Variants in ROBO2 observed in about 807,000 individuals in gnomAD.
ROBO2 encodes the protein roundabout guidance receptor 2, also known as roundabout homolog 2.
Under a neutral mutation model 160.8 loss-of-function variants are expected in ROBO2, and 53 were observed. The observed-to-expected ratio is 0.33, with a 90% CI of 0.26 to 0.41. The LOEUF (loss-of-function observed/expected upper bound fraction) is 0.41, where lower values mean the gene tolerates loss of function less well. Among genes scored for constraint, ROBO2 ranks in the 10% least tolerant of loss-of-function variants. The pLI is 1.00. For missense variants in ROBO2, 1,577 were observed against 1,722.4 expected, an observed-to-expected ratio of 0.92 and a Z score of 1.49; for synonymous variants, 664 against 611.7, an observed-to-expected ratio of 1.09 and a Z score of -1.26.
At chr3:76,924,288 G>C (rs541143502) in intron 2 of ROBO2, among the ~76,000 whole-genome samples, 1 of 152,168 alleles carries the variant, frequency 6.6e-6, no homozygotes, top group Non-Finnish European at 1.5e-5. Flanking sequence ...TGGGCCTCTG[G>C]AAGGTGATGA....
intron 2 of ROBO2, among the ~76,000 whole-genome samples, chr3:76,414,706 T>C (rs1410627211): frequency 4.1e-5 from 6 of 147,794 alleles, no homozygotes; most frequent in Non-Finnish European, 4.5e-5. Context: ...GCATGGCACA[T>C]GTATACATAT....
intron 24 of ROBO2, among the ~76,000 whole-genome samples, chr3:77,641,465 T>G (rs1192451394): frequency 6.6e-6 from 1 of 152,168 alleles, no homozygotes; most frequent in Admixed American, 6.5e-5. Context: ...TACAAGAAAT[T>G]TATACTTTTT....
chr3:76,608,120 T>C (rs1482072501), intron 2 of ROBO2, among the ~76,000 whole-genome samples: 4 of 152,242 alleles, frequency 2.6e-5, no homozygotes, highest in Non-Finnish European at 5.9e-5. Context: ...CAATATGTTA[T>C]TAAATCCATT....
At chr3:76,248,800 C>G (rs1358995241) in intron 2 of ROBO2, among the ~76,000 whole-genome samples, 1 of 152,018 alleles carries the variant, frequency 6.6e-6, no homozygotes, top group African/African-American at 2.4e-5. Context: ...ACTTCCCTCT[C>G]TAAACCCTGT....
At chr3:76,275,318 C>T (rs1516471) in intron 2 of ROBO2, among the ~76,000 whole-genome samples, 11,540 of 152,004 alleles carry the variant, frequency 0.076, 742 homozygotes, top group African/African-American at 0.17. Flanking sequence ...TTTTAGGGTA[C>T]ATGGAGGAAA....
At chr3:76,036,172 C>G (rs1446818326) in intron 2 of ROBO2, among the ~76,000 whole-genome samples, 2 of 151,746 alleles carry the variant, frequency 1.3e-5, no homozygotes, top group Non-Finnish European at 2.9e-5. Context: ...TTTTTTGAGA[C>G]CTGGTCTCAC....
intron 2 of ROBO2, among the ~76,000 whole-genome samples, chr3:77,127,846 T>G (rs1284660504): frequency 6.6e-6 from 1 of 152,138 alleles, no homozygotes; most frequent in African/African-American, 2.4e-5. Context: ...GGTTGTGTGT[T>G]GAGGTGAAAG....
At chr3:76,714,830 T>TA (rs1180514673) in intron 2 of ROBO2, among the ~76,000 whole-genome samples, 1 of 152,154 alleles carries the variant, frequency 6.6e-6, no homozygotes. Flanking sequence ...TATAGAGACT[T>TA]ACGGTTCTGC....
intron 14 of ROBO2, among the ~76,000 whole-genome samples, chr3:77,576,962 G>T (rs912965911): frequency 6.6e-6 from 1 of 152,118 alleles, no homozygotes; most frequent in Non-Finnish European, 1.5e-5. Context: ...CCACCGTTCA[G>T]AAATAACATG....
chr3:76,714,792 T>C (rs2093353535), intron 2 of ROBO2, among the ~76,000 whole-genome samples: 1 of 152,172 alleles, frequency 6.6e-6, no homozygotes. Context: ...AATAATTCCA[T>C]TGTAACAGAT....
intron 2 of ROBO2, among the ~76,000 whole-genome samples, chr3:76,459,943 C>T (rs945676706): frequency 1.3e-5 from 2 of 152,062 alleles, no homozygotes; most frequent in African/African-American, 2.4e-5. Flanking sequence ...ACCAAGAGAG[C>T]GTGTCAAGCC....
intron 2 of ROBO2, among the ~76,000 whole-genome samples, chr3:76,480,399 T>C (rs2107306757): frequency 6.6e-6 from 1 of 152,256 alleles, no homozygotes; most frequent in African/African-American, 2.4e-5. Context: ...TTTTCTCATA[T>C]AGACGTCTAA....
chr3:77,071,240 A>G (rs547145615), intron 1 of ROBO2, among the ~76,000 whole-genome samples: 2 of 152,300 alleles, frequency 1.3e-5, no homozygotes, highest in South Asian at 2.1e-4. Flanking sequence ...AAGTAGGGCT[A>G]TTCTTCTTCC....
At chr3:77,470,536 A>G (rs1184352914) in intron 2 of ROBO2, among the ~76,000 whole-genome samples, 3 of 152,184 alleles carry the variant, frequency 2.0e-5, no homozygotes, top group Admixed American at 2.0e-4. Flanking sequence ...TTCTATATCC[A>G]TGACGCTATC....
At position 76,807,009 on chromosome 3, in the gene ROBO2, T is replaced by C. The variant is rs149383215; in HGVS notation, c.110-291005T>C. Among the ~76,000 whole-genome samples, 880 of 152,106 alleles carry C rather than the reference T, an allele frequency of 5.8e-3. 8 individuals are homozygous for C. Among genetic ancestry groups the C allele is most frequent in the African/African-American group, 0.02 (840 of 41,532 alleles). On this transcript the variant is annotated intron_variant, in intron 2 of 26. Coordinates refer to the ROBO2 transcript ENST00000487694. ...TTAAAAGAAATTAGAATCAATATAATGACACTACGTTTCTCTACACCAAAA... is the reference window on the plus strand; with the variant it reads ...TTAAAAGAAATTAGAATCAATATAACGACACTACGTTTCTCTACACCAAAA...
chr3:77,462,006 G>T (rs551238595), intron 2 of ROBO2, among the ~76,000 whole-genome samples: 1 of 152,138 alleles, frequency 6.6e-6, no homozygotes, highest in African/African-American at 2.4e-5. Flanking sequence ...GATTACAGGC[G>T]TGAGCCACCA....
At chr3:77,439,518 T>C (rs1344244636) in intron 2 of ROBO2, among the ~76,000 whole-genome samples, 1 of 151,938 alleles carries the variant, frequency 6.6e-6, no homozygotes, top group African/African-American at 2.4e-5. Context: ...TCTCTTCTCT[T>C]ATTCTCTGGC....
chr3:77,484,511 A>T (rs1185428820), intron 4 of ROBO2, among the ~76,000 whole-genome samples: 1 of 21,520 alleles, frequency 4.6e-5, no homozygotes, highest in African/African-American at 9.3e-5. Flanking sequence ...CAACACAAAC[A>T]CACACACACA....
intron 2 of ROBO2, among the ~76,000 whole-genome samples, chr3:76,994,573 A>G (rs1249656661): frequency 6.6e-6 from 1 of 152,202 alleles, no homozygotes; most frequent in Non-Finnish European, 1.5e-5. Flanking sequence ...TGACTGATTC[A>G]GGATAGCAAG....
Sources: gnomAD v4.1 joint callset for allele counts (sites outside exome capture counted in the v4.1 genomes callset) on GRCh38, gnomAD v4.1.1 for gene constraint, MANE v1.5 for transcripts, NCBI Gene and HGNC (gene_info 2026-07-23, HGNC 2026-07-21) for gene names.